The following IGDCC3 variants were observed in gnomAD, a reference collection of about 807,000 sequenced individuals.
IGDCC3 encodes putative neuronal cell adhesion molecule.
IGDCC3 carries 47 observed loss-of-function variants against 72.0 expected under a neutral mutation model. The observed-to-expected ratio is 0.65, with a 90% CI of 0.52 to 0.83. The LOEUF is 0.83. IGDCC3 is among the 40% of genes least tolerant of loss of function. IGDCC3 has a pLI of 0.00. For synonymous variants in IGDCC3, 477 were observed against 472.8 expected, an observed-to-expected ratio of 1.01 and a Z score of -0.11; for missense variants, 1,038 against 1,091.3, an observed-to-expected ratio of 0.95 and a Z score of 0.69.
chr15:65,375,459 C>T, intron 1 of IGDCC3, 57 bp from the exon 2 acceptor site: 1 of 1,395,224 alleles, frequency 7.2e-7, no homozygotes, highest in Non-Finnish European at 9.8e-7. Context: ...AAATGAACAT[C>T]CAGGAAGAAC....
At position 65,377,687 on chromosome 15, in the gene IGDCC3, C is replaced by G; in HGVS notation, c.102G>C (p.Glu34Asp). 1 of 1,435,390 alleles carries G rather than the reference C, an allele frequency of 7.0e-7. No individual in the cohort carries two copies. The highest frequency in any genetic ancestry group is 9.1e-7 in the Non-Finnish European group (1 of 1,099,132). The allele number at this position is 1,435,390 out of a possible 1,614,324, so 88.9% of individuals were successfully genotyped here. A position where few individuals can be genotyped will look rare whatever the true frequency, so the allele number is the denominator to read the frequency against. Reference protein sequence around the residue: ...LLLLLLPAPSEGLGHSAELAF... With the variant: ...LLLLLLPAPSDGLGHSAELAF... ...CCGGTCCGGGGCGCTTTCACTCACC[C>G]TCGCTCGGCGCGGGCAGCAGCAGCA... Residue 34 changes from glutamate to aspartate, a missense_variant and splice_region_variant, in exon 1 of 14, where the codon GAG becomes GAC. Glu to Asp is a conservative substitution (Grantham distance 45). Transcript: ENST00000327987. The surrounding 1 kb of genome is among the most constrained non-coding windows in gnomAD (Gnocchi z 4.9).
At chr15:65,368,889 A>T (rs1000767368) in intron 2 of IGDCC3, among the ~76,000 whole-genome samples, 1 of 152,180 alleles carries the variant, frequency 6.6e-6, no homozygotes, top group Non-Finnish European at 1.5e-5. Context: ...AGAGAGAAAC[A>T]GAGGAGAGAC....
intron 2 of IGDCC3, among the ~76,000 whole-genome samples, chr15:65,352,995 G>A (rs1325512090): frequency 6.6e-6 from 1 of 152,202 alleles, no homozygotes; most frequent in Non-Finnish European, 1.5e-5. Flanking sequence ...GATGGGTAAT[G>A]TAAAACTCTG....
chr15:65,363,515 G>A (rs545840275), intron 2 of IGDCC3, among the ~76,000 whole-genome samples: 4 of 152,312 alleles, frequency 2.6e-5, no homozygotes, highest in South Asian at 2.1e-4. Flanking sequence ...AGTCGGCCCC[G>A]TGGGCGTGTA....
intron 6 of IGDCC3, 90 bp downstream of exon 6, chr15:65,333,138 AGGGGCAGGGCGAGTCCAGGAGACTGGGGT>A: frequency 1.0e-6 from 1 of 993,746 alleles, no homozygotes; most frequent in Non-Finnish European, 1.4e-6. Context: ...GTGAGGGGCG[AGGGGCAGGGCGAGTCCAGGAGACTGGGGT>A]GGGACAGGGC....
chr15:65,328,978 G>A lies in IGDCC3; in HGVS notation c.2376C>T (p.Leu792=). ...GCCTGGAAGCCTGGCCTTCACTGAG[G>A]AGGCCAGGGCCTCCATCTGGGGGTG... ...APPPPDGGPG[L]LSEGQASRPA... The change falls in exon 14 of 14, where the codon CTC becomes CTT. Residue 792 remains leucine (L), a synonymous_variant. Transcript: ENST00000327987. The A allele has an allele frequency of 6.2e-7, 1 of 1,602,432 alleles. No individual in the cohort carries two copies. Among genetic ancestry groups the A allele is most frequent in the African/African-American group, 1.3e-5 (1 of 74,396 alleles).
chr15:65,371,290 G>A (rs2091324633), intron 2 of IGDCC3, among the ~76,000 whole-genome samples: 1 of 152,196 alleles, frequency 6.6e-6, no homozygotes, highest in Non-Finnish European at 1.5e-5. Context: ...GGATGGAATG[G>A]TGCACATTTT....
chr15:65,355,242 C>G (rs2091207259), intron 2 of IGDCC3, among the ~76,000 whole-genome samples: 1 of 152,140 alleles, frequency 6.6e-6, no homozygotes, highest in African/African-American at 2.4e-5. Context: ...CCTGGGGCCC[C>G]GAGAGCCGCA....
At position 65,329,607 on chromosome 15, in the gene IGDCC3, A is replaced by G. The variant is rs2141030015; in HGVS notation, c.1998-10T>C. The G allele has an allele frequency of 6.2e-7, 1 of 1,613,584 alleles. No individual in the cohort carries two copies. Among genetic ancestry groups the G allele is most frequent in the East Asian group, 2.2e-5 (1 of 44,876 alleles). On this transcript the variant is annotated splice_polypyrimidine_tract_variant and intron_variant, in intron 12 of 13. Transcript: ENST00000327987. The surrounding 1 kb of genome is among the most constrained non-coding windows in gnomAD (Gnocchi z 4.1). ...TTTACACAGGAGGACCCTAAGGGTT[A>G]GCCAAGAGTTGGGGGGAGGGAGAGA...
chr15:65,374,363 G>A (rs1326926426), intron 2 of IGDCC3, among the ~76,000 whole-genome samples: 1 of 152,102 alleles, frequency 6.6e-6, no homozygotes. Flanking sequence ...AGTGTGCACA[G>A]ATTCAACAAT....
rs894648514 is a variant in IGDCC3, at chr15:65,334,303, C to G, written c.823+425G>C. Among the ~76,000 whole-genome samples the G allele has an allele frequency of 2.6e-5, 4 of 152,120 alleles. No homozygotes were observed. In the South Asian group the frequency reaches 8.3e-4, roughly 32 times the overall value. Reference sequence around the variant, plus strand: ...GGCCAGGCTAGAGATTGGGGGGGCCCAGAGTGAGGGTCTGACAACTGGCTG... The same window carrying G: ...GGCCAGGCTAGAGATTGGGGGGGCCGAGAGTGAGGGTCTGACAACTGGCTG... On this transcript the variant is annotated intron_variant, in intron 5 of 13. Transcript: ENST00000327987.
intron 2 of IGDCC3, among the ~76,000 whole-genome samples, chr15:65,343,063 C>A (rs1595755197): frequency 6.6e-6 from 1 of 152,136 alleles, no homozygotes; most frequent in East Asian, 1.9e-4. Flanking sequence ...CTGGAAATCT[C>A]TATTGTCTCA....
chr15:65,328,831 A>T lies in IGDCC3; in HGVS notation c.*78T>A. 6.8e-7 allele frequency: 1 copy of T among 1,478,542 alleles called. No homozygotes were observed. Among genetic ancestry groups the T allele is most frequent in the Non-Finnish European group, 9.0e-7 (1 of 1,111,962 alleles). 91.6% of individuals were successfully genotyped at this position (1,478,542 alleles called of 1,614,324 possible). On this transcript the variant is annotated 3_prime_UTR_variant, in exon 14 of 14. Transcript: ENST00000327987. ...GAGCCCCCAGGACCATCCAAATCCC[A>T]CATGACAGTAGAAATCTTGCTTTTG...
intron 2 of IGDCC3, among the ~76,000 whole-genome samples, chr15:65,366,671 A>G (rs535045659): frequency 6.6e-6 from 1 of 152,224 alleles, no homozygotes; most frequent in Non-Finnish European, 1.5e-5. Context: ...GAGTCAGGTG[A>G]GCCAGTCCTG....
intron 5 of IGDCC3, 32 bp from the exon 6 acceptor site, chr15:65,333,447 G>C: frequency 6.4e-7 from 1 of 1,560,420 alleles, no homozygotes; most frequent in Non-Finnish European, 8.7e-7. Flanking sequence ...GATGGGTGAG[G>C]GTCAGATAGA....
intron 8 of IGDCC3, 67 bp downstream of exon 8, chr15:65,331,345 G>C: frequency 6.4e-7 from 1 of 1,568,066 alleles, no homozygotes; most frequent in Non-Finnish European, 8.7e-7. Flanking sequence ...GGGTCACGAC[G>C]TGCAGGATTG....
intron 2 of IGDCC3, among the ~76,000 whole-genome samples, chr15:65,336,992 G>A (rs1420181324): frequency 1.3e-5 from 2 of 151,974 alleles, no homozygotes; most frequent in South Asian, 4.1e-4. Context: ...TGGGACAGTC[G>A]CTCCCCTCCC....
At position 65,355,547 on chromosome 15, in the gene IGDCC3, G is replaced by C. The variant is rs1256260605; in HGVS notation, c.409+19550C>G. Among the ~76,000 whole-genome samples the C allele has an allele frequency of 1.3e-4, 20 of 149,642 alleles. 1 individual carries two copies. Among genetic ancestry groups the C allele is most frequent in the Admixed American group, 1.3e-3 (20 of 15,060 alleles). Reference sequence around the variant, plus strand: ...GGACGCGGCGGGCCCCTTCCCGGCGGCCGGGCCCGAGGCGGGGGCCGGTTC... The same window carrying C: ...GGACGCGGCGGGCCCCTTCCCGGCGCCCGGGCCCGAGGCGGGGGCCGGTTC... On this transcript the variant is annotated intron_variant, in intron 2 of 13. Coordinates refer to ENST00000327987, the MANE Select transcript of IGDCC3 (RefSeq NM_004884.4).
In IGDCC3 at chr15:65,375,268, C is replaced by A; in HGVS notation, c.238G>T (p.Val80Leu). The A allele has an allele frequency of 6.2e-7, 1 of 1,614,186 alleles. No homozygotes were observed. The highest frequency in any genetic ancestry group is 2.2e-5 in the East Asian group (1 of 44,876). Residue 80 changes from valine (V) to leucine (L), a missense_variant, in exon 2 of 14, where the codon GTA becomes TTA. By Grantham distance (32) the Val-to-Leu change is conservative. Coordinates refer to ENST00000327987, the MANE Select transcript of IGDCC3 (RefSeq NM_004884.4). ...PVRITWRKNGVELPESTHSTL... is the reference protein window; with the variant it reads ...PVRITWRKNGLELPESTHSTL... ...GAGTGGGTACTCTCTGGCAGCTCTACCCCATTCTTCCTCCAGGTGATTCGC... is the reference window on the plus strand; with the variant it reads ...GAGTGGGTACTCTCTGGCAGCTCTAACCCATTCTTCCTCCAGGTGATTCGC...
Sources: allele counts gnomAD v4.1 joint callset (sites outside exome capture counted in the v4.1 genomes callset), GRCh38; gene constraint gnomAD v4.1.1; non-coding constraint Gnocchi (gnomAD v3.1); transcripts MANE v1.5; gene names NCBI Gene and HGNC (gene_info 2026-07-23, HGNC 2026-07-21).